ERC2: variants seen among roughly 807,000 people sequenced by gnomAD.
The protein encoded by ERC2 is ELKS/RAB6-interacting/CAST family member 2, also known as ERC protein 2.
ERC2 carries 42 observed loss-of-function variants against 114.8 expected under a neutral mutation model. The observed-to-expected ratio is 0.37, with a 90% CI of 0.29 to 0.47. ERC2 has a LOEUF of 0.47. Among genes scored for constraint, ERC2 ranks in the 20% least tolerant of loss-of-function variants. ERC2 has a pLI of 0.99. For missense variants in ERC2, 939 were observed against 1,150.7 expected (o/e 0.82, Z 2.66); for synonymous variants, 454 against 425.5 (o/e 1.07, Z -0.82).
intron 14 of ERC2, among the ~76,000 whole-genome samples, chr3:55,837,386 A>T (rs1486627321): frequency 6.6e-6 from 1 of 152,158 alleles, no homozygotes; most frequent in Non-Finnish European, 1.5e-5. Context: ...TGGATTAAGA[A>T]AATGTGGCAC....
chr3:55,705,668 G>T (rs1430148052), intron 15 of ERC2, among the ~76,000 whole-genome samples: 1 of 151,988 alleles, frequency 6.6e-6, no homozygotes, highest in Admixed American at 6.5e-5. Flanking sequence ...GCACTGGTCT[G>T]ATCTCCCCAA....
chr3:55,653,170 G>A (rs2060709590), intron 17 of ERC2, among the ~76,000 whole-genome samples: 2 of 151,532 alleles, frequency 1.3e-5, no homozygotes. Context: ...GTTTTATTCA[G>A]ACAGCCCAAT....
chr3:56,137,303 T>A (rs1346696482), intron 6 of ERC2, among the ~76,000 whole-genome samples: 1 of 152,200 alleles, frequency 6.6e-6, no homozygotes, highest in Non-Finnish European at 1.5e-5. Flanking sequence ...ACTAACTTTA[T>A]CGGTAATCCT....
At chr3:56,341,831 T>C (rs1432394026) in intron 2 of ERC2, among the ~76,000 whole-genome samples, 1 of 152,162 alleles carries the variant, frequency 6.6e-6, no homozygotes, top group East Asian at 1.9e-4. Flanking sequence ...TATTTCTGTT[T>C]CCTAAGCAGG....
At chr3:56,148,649 C>A (rs546785614) in intron 5 of ERC2, among the ~76,000 whole-genome samples, 1 of 151,540 alleles carries the variant, frequency 6.6e-6, no homozygotes, top group Non-Finnish European at 1.5e-5. Flanking sequence ...ATAGCAACTT[C>A]AAAAAAAATA....
intron 14 of ERC2, among the ~76,000 whole-genome samples, chr3:55,868,081 T>C (rs143486951): frequency 0.012 from 1,767 of 152,336 alleles, 13 homozygotes; most frequent in Non-Finnish European, 0.017. Context: ...TCCTCTCTCC[T>C]GCTTTCCTGA....
rs1319813903 is a variant in ERC2, at chr3:55,867,964, A to G, written c.2564+20425T>C. 4.6e-5 allele frequency among the ~76,000 whole-genome samples: 7 copies of G among 152,176 alleles called. No homozygotes were observed. In the East Asian group the frequency reaches 1.3e-3, roughly 29 times the overall value. On this transcript the variant is annotated intron_variant, in intron 14 of 17. Coordinates refer to ENST00000288221, the MANE Select transcript of ERC2 (RefSeq NM_015576.3). ...ACAATGATTCAACCTTATTCAGCCC[A>G]TTATACTGTTAAAATACCTAGCACT...
At chr3:55,740,848 A>T (rs1299092232) in intron 14 of ERC2, among the ~76,000 whole-genome samples, 1 of 152,166 alleles carries the variant, frequency 6.6e-6, no homozygotes, top group Non-Finnish European at 1.5e-5. Context: ...AAAACCCCAA[A>T]TCCAAAGTAC....
intron 2 of ERC2, among the ~76,000 whole-genome samples, chr3:56,417,308 CG>C (rs1338129460): frequency 6.6e-6 from 1 of 152,162 alleles, no homozygotes; most frequent in Non-Finnish European, 1.5e-5. Flanking sequence ...GTGAATTTAT[CG>C]TTTCCATCTC....
Position 56,296,196 on chromosome 3 carries a change from A to T in ERC2, c.897T>A (p.Asn299Lys), listed in dbSNP as rs754072910. 9 of 1,613,970 alleles carry T rather than the reference A, an allele frequency of 5.6e-6. No individual in the cohort carries two copies. In the South Asian group the frequency reaches 9.9e-5, roughly 18 times the overall value. The change falls in exon 3 of 18, where the codon AAT (asparagine) becomes AAA (lysine). Residue 299 changes from asparagine to lysine, a missense_variant. Coordinates refer to ENST00000288221, the MANE Select transcript of ERC2 (RefSeq NM_015576.3). ...GTTTTTTAATTGACTCATCTCGGGCATTGAGGGTTTGTTTCTGCGTTTCAA... is the reference window on the plus strand; with the variant it reads ...GTTTTTTAATTGACTCATCTCGGGCTTTGAGGGTTTGTTTCTGCGTTTCAA... The part of the protein sequence containing the change: ...LRIETQKQTL[N>K]ARDESIKKLL...
In ERC2 at chr3:56,252,631, C is replaced by T. The variant is rs1207231804; in HGVS notation, c.1074+43388G>A. Among the ~76,000 whole-genome samples, 3 of 151,918 alleles carry T rather than the reference C, an allele frequency of 2.0e-5. No homozygotes were observed. In the East Asian group the frequency reaches 5.8e-4, roughly 29 times the overall value. ...AATTATCTGGGTGTGGTGGTGCATGCCTGTAGTCTCAGCTACTTAGGAGGC... is the reference window on the plus strand; with the variant it reads ...AATTATCTGGGTGTGGTGGTGCATGTCTGTAGTCTCAGCTACTTAGGAGGC... On this transcript the variant is annotated intron_variant, in intron 3 of 17. Coordinates refer to ENST00000288221, the MANE Select transcript of ERC2 (RefSeq NM_015576.3).
chr3:56,023,770 GGAAT>G (rs1184653262), intron 7 of ERC2, among the ~76,000 whole-genome samples: 5 of 145,590 alleles, frequency 3.4e-5, no homozygotes, highest in African/African-American at 1.3e-4. Context: ...AATGAAAAAA[GGAAT>G]GAAGGAAGGA....
intron 14 of ERC2, among the ~76,000 whole-genome samples, chr3:55,775,384 T>C (rs1047173738): frequency 3.3e-5 from 5 of 151,728 alleles, no homozygotes; most frequent in Admixed American, 1.3e-4. Flanking sequence ...CTACAAAAAT[T>C]AGCCTGGCGC....
intron 3 of ERC2, among the ~76,000 whole-genome samples, chr3:56,286,984 C>T (rs1369196770): frequency 5.9e-5 from 9 of 152,120 alleles, no homozygotes; most frequent in Non-Finnish European, 1.0e-4. Flanking sequence ...TAACGATAGC[C>T]ACTCCTAGGA....
chr3:56,121,360 G>C (rs1575497704), intron 6 of ERC2, among the ~76,000 whole-genome samples: 1 of 151,998 alleles, frequency 6.6e-6, no homozygotes, highest in East Asian at 1.9e-4. Flanking sequence ...ATGTATAATT[G>C]TAATACAATA....
intron 2 of ERC2, among the ~76,000 whole-genome samples, chr3:56,373,977 T>A (rs1257695840): frequency 1.3e-5 from 2 of 152,206 alleles, no homozygotes; most frequent in Non-Finnish European, 2.9e-5. Context: ...TTGATCCTCG[T>A]TGGCTGACTG....
At chr3:55,774,469 T>C (rs1452220321) in intron 14 of ERC2, among the ~76,000 whole-genome samples, 6 of 152,266 alleles carry the variant, frequency 3.9e-5, no homozygotes, top group Non-Finnish European at 5.9e-5. Context: ...ATCTTCCCCC[T>C]TTCCTTGGCT....
At chr3:55,610,064 C>CAAAAAAAAAAAAAAAAAA (rs36088271) in intron 17 of ERC2, among the ~76,000 whole-genome samples, 2 of 118,714 alleles carry the variant, frequency 1.7e-5, no homozygotes, top group Non-Finnish European at 1.8e-5. Context: ...CAAACACAAA[C>CAAAAAAAAAAAAAAAAAA]AAAAAAAAAA....
intron 7 of ERC2, among the ~76,000 whole-genome samples, chr3:56,043,310 G>C (rs951092854): frequency 5.9e-5 from 9 of 152,002 alleles, no homozygotes; most frequent in African/African-American, 2.2e-4. Flanking sequence ...ATTGTGTGTG[G>C]CAAAAGTACA....
Sources: allele counts gnomAD v4.1 joint callset (sites outside exome capture counted in the v4.1 genomes callset), GRCh38; gene constraint gnomAD v4.1.1; transcripts MANE v1.5; gene names NCBI Gene and HGNC (gene_info 2026-07-23, HGNC 2026-07-21).